CLEC16A: variants seen among roughly 807,000 people sequenced by gnomAD.
The protein encoded by CLEC16A is protein CLEC16A.
In CLEC16A, 51 loss-of-function variants were observed where a neutral mutation model predicts 109.5. The ratio of observed to expected loss-of-function variants is 0.47; its 90% CI spans 0.37 to 0.59. The LOEUF (loss-of-function observed/expected upper bound fraction) is 0.59. Ranked by LOEUF, CLEC16A falls within the 20% of genes least tolerant of loss-of-function variation. The pLI is 0.00. For synonymous variants in CLEC16A, 673 were observed against 564.2 expected, an observed-to-expected ratio of 1.19 and a Z score of -2.73; for missense variants, 1,339 against 1,394.0, an observed-to-expected ratio of 0.96 and a Z score of 0.63.
chr16:10,996,213 C>T (rs1238127716), intron 10 of CLEC16A, among the ~76,000 whole-genome samples: 1 of 152,218 alleles, frequency 6.6e-6, no homozygotes, highest in African/African-American at 2.4e-5. Flanking sequence ...TCTGATATCT[C>T]TTCTGAGGCT....
At position 10,995,874 on chromosome 16, in the gene CLEC16A, T is replaced by G. The variant is rs75143109; in HGVS notation, c.1072-7200T>G. Among the ~76,000 whole-genome samples, 13 of 152,332 alleles carry G rather than the reference T, an allele frequency of 8.5e-5. 1 individual carries two copies. The East Asian group carries it at 2.5e-3, about 29-fold the overall frequency. ...TCTCAAATCGCTTAGCAGAGCTGTT[T>G]GAGGAAGCATCCTCAGAGGGTGAGT... On this transcript the variant is annotated intron_variant, in intron 10 of 23. Transcript: ENST00000409790.
chr16:11,130,539 CAG>C (rs1219566642), intron 22 of CLEC16A, among the ~76,000 whole-genome samples: 3 of 152,234 alleles, frequency 2.0e-5, no homozygotes, highest in African/African-American at 4.8e-5. Flanking sequence ...TCCTCCTACT[CAG>C]AGTTTTACAG....
intron 19 of CLEC16A, among the ~76,000 whole-genome samples, chr16:11,110,733 C>G (rs1371408950): frequency 1.3e-5 from 2 of 152,108 alleles, no homozygotes; most frequent in Non-Finnish European, 2.9e-5. Context: ...TCCCAGATAC[C>G]CTGGGCAGTC....
chr16:11,129,300 T>G (rs2053036545), intron 22 of CLEC16A, among the ~76,000 whole-genome samples: 2 of 152,254 alleles, frequency 1.3e-5, no homozygotes, highest in South Asian at 4.1e-4. Flanking sequence ...CCATTGCATA[T>G]ATGCATAACT....
chr16:11,084,107 T>C (rs534688565), intron 19 of CLEC16A, among the ~76,000 whole-genome samples: 1 of 152,132 alleles, frequency 6.6e-6, no homozygotes, highest in South Asian at 2.1e-4. Context: ...CCACCCCTTT[T>C]AGTCCCCTGC....
At position 10,970,912 on chromosome 16, in the gene CLEC16A, T is replaced by C. The variant is rs574938837; in HGVS notation, c.493-213T>C. On this transcript the variant is annotated intron_variant, in intron 4 of 23. Coordinates refer to ENST00000409790, the MANE Select transcript of CLEC16A (RefSeq NM_015226.3). ...TATGGGTGTGCACCACCACACGGAC[T>C]TGGACTCTTCTGTTTCTTCCATGGC... Among the ~76,000 whole-genome samples, 438 of 151,314 alleles carry C rather than the reference T, an allele frequency of 2.9e-3. 3 individuals are homozygous for C. The highest frequency in any genetic ancestry group is 0.01 in the African/African-American group (424 of 41,036).
chr16:11,178,949 CAGGG>C lies in CLEC16A; in HGVS notation c.*262_*265del, dbSNP rs1567427533. On this transcript the variant is annotated 3_prime_UTR_variant, in exon 24 of 24. Transcript: ENST00000409790. This position sits in a 1 kb window ranked among gnomAD's most constrained non-coding sequence, Gnocchi z 6.5. ...AATGCAGATGACTGCACCGGCCACT[CAGGG>C]AGCTGCCTGGGCTCCGTGTCTCTGA... 2.4e-6 allele frequency: 1 copy of C among 415,452 alleles called. No homozygotes were observed. The highest frequency in any genetic ancestry group is 4.3e-6 in the Non-Finnish European group (1 of 235,286). The allele number at this position is 415,452 out of a possible 1,614,324, so 25.7% of individuals were successfully genotyped here. A position where few individuals can be genotyped will look rare whatever the true frequency, so the allele number is the denominator to read the frequency against.
rs2068366987 is a variant in CLEC16A at position 11,168,479 on chromosome 16, G to T, written c.2806+1927G>T. Among the ~76,000 whole-genome samples, 3 of 152,204 alleles carry T rather than the reference G, an allele frequency of 2.0e-5. No homozygotes were observed. In the South Asian group the frequency reaches 6.2e-4, roughly 32 times the overall value. On this transcript the variant is annotated intron_variant, in intron 23 of 23. Transcript: ENST00000409790. The stretch of plus-strand genomic sequence containing the variant: ...TCCCCATTCTTTATGCAGCATGACA[G>T]TAAAAGCCTGAGGCCCAGCCTGCCT...
intron 19 of CLEC16A, among the ~76,000 whole-genome samples, chr16:11,114,812 C>T (rs1304239169): frequency 1.3e-5 from 2 of 152,268 alleles, no homozygotes; most frequent in Non-Finnish European, 2.9e-5. Flanking sequence ...CTTGATCTCC[C>T]TTGCGGATAG....
rs911381594 is a variant in CLEC16A at position 10,970,647 on chromosome 16, C to A, written c.493-478C>A. Among the ~76,000 whole-genome samples, 6 of 152,284 alleles carry A rather than the reference C, an allele frequency of 3.9e-5. No homozygotes were observed. The East Asian group carries it at 1.2e-3, about 29-fold the overall frequency. On this transcript the variant is annotated intron_variant, in intron 4 of 23. Transcript: ENST00000409790. The stretch of plus-strand genomic sequence containing the variant: ...CAAAACTCCTGACCTCAAGCAATCC[C>A]CCCTCCTTGGCCTCCCAAAGTGCTG...
At chr16:11,117,939 A>G (rs987917403) in intron 19 of CLEC16A, among the ~76,000 whole-genome samples, 8 of 152,118 alleles carry the variant, frequency 5.3e-5, no homozygotes, top group African/African-American at 1.7e-4. Context: ...TAGACATTAA[A>G]TTAGACATTG....
intron 19 of CLEC16A, among the ~76,000 whole-genome samples, chr16:11,102,299 A>G (rs769051522): frequency 3.3e-5 from 5 of 152,202 alleles, no homozygotes; most frequent in African/African-American, 4.8e-5. Flanking sequence ...CTGCTGCCCA[A>G]AGTTTATTAG....
intron 10 of CLEC16A, among the ~76,000 whole-genome samples, chr16:10,985,855 GCCA>G (rs2043614286): frequency 7.7e-6 from 1 of 129,308 alleles, no homozygotes. Context: ...ACAGGCATGT[GCCA>G]CCACGCCCAG....
chr16:11,095,504 G>T (rs572746469), intron 19 of CLEC16A, among the ~76,000 whole-genome samples: 16 of 152,162 alleles, frequency 1.1e-4, no homozygotes, highest in Non-Finnish European at 1.6e-4. Flanking sequence ...ACAGTGCTCT[G>T]GACAGTTGAG....
intron 23 of CLEC16A, among the ~76,000 whole-genome samples, chr16:11,173,884 C>T (rs901962214): frequency 6.6e-6 from 1 of 152,184 alleles, no homozygotes; most frequent in African/African-American, 2.4e-5. Context: ...TTCTCTGCCC[C>T]TAACCCGGTT....
At chr16:11,108,535 G>A (rs2051361098) in intron 19 of CLEC16A, among the ~76,000 whole-genome samples, 1 of 152,260 alleles carries the variant, frequency 6.6e-6, no homozygotes, top group South Asian at 2.1e-4. Flanking sequence ...GGGGCACCAG[G>A]CTGTGAGGCA....
intron 11 of CLEC16A, among the ~76,000 whole-genome samples, chr16:11,019,740 G>T (rs985461058): frequency 6.7e-6 from 1 of 148,278 alleles, no homozygotes; most frequent in Non-Finnish European, 1.5e-5. Context: ...CTGCCCTCCA[G>T]CCTGGGTGAC....
chr16:10,956,210 A>T (rs980412891), intron 1 of CLEC16A, among the ~76,000 whole-genome samples: 1 of 152,266 alleles, frequency 6.6e-6, no homozygotes, highest in Non-Finnish European at 1.5e-5. Flanking sequence ...CATATTAAAA[A>T]TTACATGCAA....
chr16:11,043,683 G>A (rs926529864), intron 15 of CLEC16A, among the ~76,000 whole-genome samples: 1 of 151,892 alleles, frequency 6.6e-6, no homozygotes. Flanking sequence ...TGGCCAACAT[G>A]GTGAAGCCCC....
Sources: allele counts gnomAD v4.1 joint callset (sites outside exome capture counted in the v4.1 genomes callset), GRCh38; gene constraint gnomAD v4.1.1; non-coding constraint Gnocchi (gnomAD v3.1); transcripts MANE v1.5; gene names NCBI Gene and HGNC (gene_info 2026-07-23, HGNC 2026-07-21).